SMURF2: variants seen among roughly 807,000 people sequenced by gnomAD.
The protein encoded by SMURF2 is E3 ubiquitin-protein ligase SMURF2.
Under a neutral mutation model 109.6 loss-of-function variants are expected in SMURF2, and 48 were observed. That is an observed-to-expected ratio of 0.44 (90% CI 0.35 to 0.56). The LOEUF (loss-of-function observed/expected upper bound fraction) is 0.56, where lower values mean the gene tolerates loss of function less well. Among genes scored for constraint, SMURF2 ranks in the 20% least tolerant of loss-of-function variants. The probability of loss-of-function intolerance (pLI) is 0.01; values close to 1 mark genes in which losing one functional copy is unlikely to be tolerated. For synonymous variants in SMURF2, 288 were observed against 317.1 expected, an observed-to-expected ratio of 0.91 and a Z score of 0.97; for missense variants, 575 against 909.0, an observed-to-expected ratio of 0.63 and a Z score of 4.72.
At chr17:64,657,446 C>A (rs1970719811) in intron 1 of SMURF2, among the ~76,000 whole-genome samples, 1 of 151,664 alleles carries the variant, frequency 6.6e-6, no homozygotes, top group South Asian at 2.1e-4. Flanking sequence ...AATCCCAGCA[C>A]TTTGGAAGGC....
intron 2 of SMURF2, among the ~76,000 whole-genome samples, chr17:64,605,915 G>T (rs1969964589): frequency 6.7e-6 from 1 of 148,250 alleles, no homozygotes; most frequent in Admixed American, 6.9e-5. Flanking sequence ...AAAAAATTTT[G>T]TTGGCTGAAG....
chr17:64,564,727 C>A (rs1476249633), intron 10 of SMURF2, among the ~76,000 whole-genome samples: 1 of 152,174 alleles, frequency 6.6e-6, no homozygotes, highest in African/African-American at 2.4e-5. Context: ...AGGAAAGAGG[C>A]ATGGAACAGA....
At chr17:64,654,423 T>A (rs575589512) in intron 1 of SMURF2, among the ~76,000 whole-genome samples, 2 of 152,340 alleles carry the variant, frequency 1.3e-5, no homozygotes, top group East Asian at 3.9e-4. Flanking sequence ...TTTAATGAAA[T>A]AAAATTTCTC....
At chr17:64,638,082 T>G (rs1445827032) in intron 1 of SMURF2, among the ~76,000 whole-genome samples, 23 of 138,654 alleles carry the variant, frequency 1.7e-4, no homozygotes, top group African/African-American at 7.1e-4. Context: ...TTTTTTTTTT[T>G]GACAGAGTCT....
intron 1 of SMURF2, among the ~76,000 whole-genome samples, chr17:64,633,783 C>T (rs2144712712): frequency 6.6e-6 from 1 of 151,888 alleles, no homozygotes; most frequent in East Asian, 1.9e-4. Context: ...CAGGCAACTA[C>T]CAAGAGATTA....
intron 9 of SMURF2, 67 bp from the exon 10 acceptor site, chr17:64,572,023 TG>T (rs1217351163): frequency 4.8e-5 from 66 of 1,383,752 alleles, no homozygotes; most frequent in Non-Finnish European, 6.4e-5. Context: ...CAAGTGTAAA[TG>T]ACACAGAACA....
chr17:64,661,514 T>C (rs1211859302), intron 1 of SMURF2, among the ~76,000 whole-genome samples: 1 of 152,102 alleles, frequency 6.6e-6, no homozygotes, highest in East Asian at 1.9e-4. Flanking sequence ...CCAGGGGCTG[T>C]TCCCCGAGCC....
intron 1 of SMURF2, among the ~76,000 whole-genome samples, chr17:64,639,033 GA>G (rs1243177907): frequency 6.6e-6 from 1 of 152,182 alleles, no homozygotes; most frequent in Admixed American, 6.5e-5. Flanking sequence ...AATTTTAGCT[GA>G]CTGTGGTTTA....
intron 1 of SMURF2, among the ~76,000 whole-genome samples, chr17:64,608,196 T>G (rs1273578710): frequency 3.9e-5 from 6 of 152,176 alleles, no homozygotes; most frequent in Non-Finnish European, 8.8e-5. Context: ...ACTAACAGTT[T>G]AAATGAATTA....
At chr17:64,634,232 A>G (rs1970385680) in intron 1 of SMURF2, among the ~76,000 whole-genome samples, 1 of 152,186 alleles carries the variant, frequency 6.6e-6, no homozygotes, top group African/African-American at 2.4e-5. Context: ...TGGGAGTTTC[A>G]CCATTTAAAG....
chr17:64,635,512 C>T (rs1555692005), intron 1 of SMURF2, among the ~76,000 whole-genome samples: 1 of 152,068 alleles, frequency 6.6e-6, no homozygotes, highest in East Asian at 1.9e-4. Context: ...CATCTTCCCT[C>T]CCCCATCCCC....
rs570768879 is a variant in SMURF2 at position 64,545,654 on chromosome 17, C to A, written c.*194G>T. 7.0e-6 allele frequency: 3 copies of A among 427,428 alleles called. No individual in the cohort carries two copies. Among genetic ancestry groups the A allele is most frequent in the African/African-American group, 2.1e-5 (1 of 47,028 alleles). The allele number at this position is 427,428 out of a possible 1,614,324, so 26.5% of individuals were successfully genotyped here. A position where few individuals can be genotyped will look rare whatever the true frequency, so the allele number is the denominator to read the frequency against. On this transcript the variant is annotated 3_prime_UTR_variant, in exon 19 of 19. Transcript: ENST00000262435. ...GTGGCCTCATGGCAAAGCATAAAGACCTTTTTTTTCCTTGAAAAGGAATTT... is the reference window on the plus strand; with the variant it reads ...GTGGCCTCATGGCAAAGCATAAAGAACTTTTTTTTCCTTGAAAAGGAATTT...
Position 64,547,633 on chromosome 17 carries a change from G to C in SMURF2, c.2038C>G (p.Arg680Gly). ...GCTTTGAAGCCCTGCAGAGGCACTC[G>C]AGAGGATCCTGTCACAAACTGAAGC... The part of the protein sequence containing the change: ...RLLQFVTGSS[R>G]VPLQGFKALQ... The change falls in exon 17 of 19, where the codon CGA becomes GGA. Residue 680 changes from arginine to glycine, a missense_variant. Physicochemically the swap from Arg to Gly is moderately radical, Grantham distance 125. Around this residue, in one of 5 missense-constraint regions of SMURF2, gnomAD observed 361 missense variants for 612.1 expected, o/e 0.59. Coordinates refer to ENST00000262435, the MANE Select transcript of SMURF2 (RefSeq NM_022739.4). This position sits in a 1 kb window ranked among gnomAD's most constrained non-coding sequence, Gnocchi z 4.2. 2.5e-6 allele frequency: 4 copies of C among 1,613,486 alleles called. No homozygotes were observed. The highest frequency in any genetic ancestry group is 3.4e-6 in the Non-Finnish European group (4 of 1,179,968).
chr17:64,594,714 C>T (rs782420299), intron 3 of SMURF2, among the ~76,000 whole-genome samples: 7 of 152,140 alleles, frequency 4.6e-5, no homozygotes, highest in Non-Finnish European at 8.8e-5. Flanking sequence ...AGGCCGGGCG[C>T]GGTGGCTCAC....
At chr17:64,644,938 G>T (rs139085183) in intron 1 of SMURF2, among the ~76,000 whole-genome samples, 185 of 151,404 alleles carry the variant, frequency 1.2e-3, no homozygotes, top group African/African-American at 4.0e-3. Flanking sequence ...AACCCAGAAG[G>T]CAGAGGTTGC....
chr17:64,603,057 T>C (rs1483990457), intron 2 of SMURF2, among the ~76,000 whole-genome samples: 1 of 151,702 alleles, frequency 6.6e-6, no homozygotes, highest in Non-Finnish European at 1.5e-5. Context: ...TAAAATAACA[T>C]TTTCAACTCA....
chr17:64,559,041 A>AT (rs782666378), intron 12 of SMURF2, among the ~76,000 whole-genome samples: 1 of 152,238 alleles, frequency 6.6e-6, no homozygotes, highest in South Asian at 2.1e-4. Context: ...TACTCTAGAG[A>AT]TTAAAAAAAG....
At chr17:64,556,118 T>C (rs374407246) in intron 13 of SMURF2, 120 bp from the exon 14 acceptor site, 5 of 692,204 alleles carry the variant, frequency 7.2e-6, no homozygotes, top group East Asian at 5.6e-5. Flanking sequence ...TACTCTTCAA[T>C]AGAGTCAGGA....
intron 1 of SMURF2, among the ~76,000 whole-genome samples, chr17:64,653,181 T>A (rs1186224796): frequency 6.6e-6 from 1 of 152,054 alleles, no homozygotes; most frequent in African/African-American, 2.4e-5. Context: ...ATATCCAGAA[T>A]ACATAAAGAA....
Sources: allele counts gnomAD v4.1 joint callset (sites outside exome capture counted in the v4.1 genomes callset), GRCh38; gene constraint gnomAD v4.1.1; regional missense constraint gnomAD v4.1.1; non-coding constraint Gnocchi (gnomAD v3.1); transcripts MANE v1.5; gene names NCBI Gene and HGNC (gene_info 2026-07-23, HGNC 2026-07-21).